CRX: variants seen among roughly 807,000 people sequenced by gnomAD.
CRX encodes the protein cone-rod homeobox.
Under a neutral mutation model 13.1 loss-of-function variants are expected in CRX, and 5 were observed. The observed-to-expected ratio is 0.38, with a 90% CI of 0.20 to 0.80. CRX has a LOEUF of 0.80. CRX is among the 30% of genes least tolerant of loss of function. The pLI, the probability that CRX is intolerant of heterozygous loss-of-function variation, is 0.43. For missense variants in CRX, 351 were observed against 391.8 expected (o/e 0.90, Z 0.88); for synonymous variants, 179 against 171.1 (o/e 1.05, Z -0.36).
chr19:47,828,388 G>T (rs73036982), intron 1 of CRX, among the ~76,000 whole-genome samples: 12,623 of 152,050 alleles, frequency 0.083, 588 homozygotes, highest in African/African-American at 0.13. Flanking sequence ...AAAGGACAGT[G>T]AGAGGAACGG....
intron 1 of CRX, among the ~76,000 whole-genome samples, chr19:47,823,823 T>C (rs1967941769): frequency 6.6e-6 from 1 of 151,998 alleles, no homozygotes; most frequent in Non-Finnish European, 1.5e-5. Context: ...CTTATTTTTG[T>C]ATTTTTAGTA....
chr19:47,836,157 G>A, intron 2 of CRX, 86 bp from the exon 3 acceptor site: 1 of 1,538,170 alleles, frequency 6.5e-7, no homozygotes, highest in Non-Finnish European at 9.0e-7. Context: ...CAACCAGGAT[G>A]GAATTCTTGG....
intron 3 of CRX, among the ~76,000 whole-genome samples, chr19:47,838,354 C>T (rs568646047): frequency 4.0e-5 from 6 of 151,682 alleles, no homozygotes; most frequent in South Asian, 2.1e-4. Flanking sequence ...TATGAGTGTA[C>T]GCATGTATAT....
At chr19:47,826,546 A>G (rs1470970204) in intron 1 of CRX, among the ~76,000 whole-genome samples, 1 of 152,146 alleles carries the variant, frequency 6.6e-6, no homozygotes, top group Non-Finnish European at 1.5e-5. Flanking sequence ...TCGAGGCTGC[A>G]GTGAGCTATG....
At position 47,836,377 on chromosome 19, in the gene CRX, C is replaced by G; in HGVS notation, c.235C>G (p.Pro79Ala). ...REEVALKINL[P>A]ESRVQVWFKN... is the part of the protein sequence containing the mutation. Reference sequence around the variant, plus strand: ...GGAGGTGGCTCTGAAGATCAATCTGCCTGAGTCCAGGGTTCAGGTGGGGTG... The same window carrying G: ...GGAGGTGGCTCTGAAGATCAATCTGGCTGAGTCCAGGGTTCAGGTGGGGTG... The change falls in exon 3 of 4, where the codon CCT (proline) becomes GCT (alanine). Residue 79 changes from proline (P) to alanine (A), a missense_variant. Pro to Ala is a conservative substitution (Grantham distance 27). Around this residue, in one of 3 missense-constraint regions of CRX, gnomAD observed 95 missense variants for 106.7 expected, o/e 0.89. Transcript: ENST00000221996. 6.2e-7 allele frequency: 1 copy of G among 1,614,216 alleles called. No individual in the cohort carries two copies. Among genetic ancestry groups the G allele is most frequent in the Non-Finnish European group, 8.5e-7 (1 of 1,180,042 alleles).
In CRX at chr19:47,835,019, G is replaced by A. The variant is rs77439149; in HGVS notation, c.100+476G>A. Among the ~76,000 whole-genome samples, 213 of 150,078 alleles carry A rather than the reference G, an allele frequency of 1.4e-3. 1 individual carries two copies. The highest frequency in any genetic ancestry group is 2.3e-3 in the Non-Finnish European group (155 of 67,574). On this transcript the variant is annotated intron_variant, in intron 2 of 3. Transcript: ENST00000221996. ...TTTTTTTAATTTTATTTTTGAGACAGGGTCTCACTCTGTTGCCCACTCTGA... is the reference window on the plus strand; with the variant it reads ...TTTTTTTAATTTTATTTTTGAGACAAGGTCTCACTCTGTTGCCCACTCTGA...
intron 3 of CRX, among the ~76,000 whole-genome samples, chr19:47,838,938 T>C (rs1968154562): frequency 6.6e-6 from 1 of 151,996 alleles, no homozygotes; most frequent in Non-Finnish European, 1.5e-5. Flanking sequence ...TATATATGTA[T>C]AACTGTACGT....
intron 3 of CRX, among the ~76,000 whole-genome samples, chr19:47,837,436 G>A (rs1968130702): frequency 6.6e-6 from 1 of 152,136 alleles, no homozygotes; most frequent in African/African-American, 2.4e-5. Context: ...CAGAGCGCTG[G>A]GATTACAGGC....
At chr19:47,833,029 C>CTTT (rs35088115) in intron 1 of CRX, among the ~76,000 whole-genome samples, 5 of 88,254 alleles carry the variant, frequency 5.7e-5, no homozygotes, top group African/African-American at 1.4e-4. Flanking sequence ...TCCACACTCG[C>CTTT]TTTTTTTTTT....
chr19:47,834,703 A>G (rs1968095474), intron 2 of CRX, among the ~76,000 whole-genome samples, 160 bp downstream of exon 2: 1 of 152,208 alleles, frequency 6.6e-6, no homozygotes, highest in Admixed American at 6.5e-5. Context: ...TTAGAAAAAC[A>G]TTAGCAGTCC....
chr19:47,838,498 A>G (rs969518756), intron 3 of CRX, among the ~76,000 whole-genome samples: 5 of 152,058 alleles, frequency 3.3e-5, no homozygotes, highest in Admixed American at 3.3e-4. Flanking sequence ...GGATGGATGA[A>G]TGTGTATGAT....
chr19:47,829,633 TTTA>T (rs1225936989), intron 1 of CRX, among the ~76,000 whole-genome samples: 2 of 151,290 alleles, frequency 1.3e-5, no homozygotes, highest in African/African-American at 4.9e-5. Context: ...ACCTGGCCTA[TTTA>T]TTGTTATTAT....
At chr19:47,831,462 G>T (rs990217718) in intron 1 of CRX, among the ~76,000 whole-genome samples, 1 of 152,110 alleles carries the variant, frequency 6.6e-6, no homozygotes, top group Non-Finnish European at 1.5e-5. Flanking sequence ...TCAGATCAGC[G>T]GTGGCTCTAG....
chr19:47,835,379 CT>C (rs764293041), intron 2 of CRX, among the ~76,000 whole-genome samples: 10 of 149,908 alleles, frequency 6.7e-5, no homozygotes, highest in Non-Finnish European at 1.3e-4. Flanking sequence ...ATTTCTTTTT[CT>C]TTTTTTTTCT....
Position 47,840,202 on chromosome 19 carries a change from T to G in CRX, c.*235T>G, listed in dbSNP as rs1322411658. 3.7e-6 allele frequency: 2 copies of G among 546,650 alleles called. No homozygotes were observed. The highest frequency in any genetic ancestry group is 3.3e-6 in the Non-Finnish European group (1 of 303,798). The allele number at this position is 546,650 out of a possible 1,614,324, so 33.9% of individuals were successfully genotyped here. On this transcript the variant is annotated 3_prime_UTR_variant, in exon 4 of 4. Transcript: ENST00000221996. ...AGTGATTCTCTCAACCCTAACACCG[T>G]CTGGCACGATTGTGACCGCTGAAGT...
rs1968175790 is a variant in CRX, at chr19:47,840,004, G to A, written c.*37G>A. 3 of 1,607,296 alleles carry A rather than the reference G, an allele frequency of 1.9e-6. No individual in the cohort carries two copies. The highest frequency in any genetic ancestry group is 2.5e-6 in the Non-Finnish European group (3 of 1,179,184). ...TCCATCTCTCTCCATCGGGCCTCGGGACCCTTTCTCTTCTGAATCTGCTTC... is the reference window on the plus strand; with the variant it reads ...TCCATCTCTCTCCATCGGGCCTCGGAACCCTTTCTCTTCTGAATCTGCTTC... On this transcript the variant is annotated 3_prime_UTR_variant, in exon 4 of 4. Transcript: ENST00000221996.
chr19:47,841,510 GA>G lies in CRX; in HGVS notation c.*1544del, dbSNP rs546952275. 6.6e-6 allele frequency: 1 copy of G among 151,854 alleles called. No individual in the cohort carries two copies. The highest frequency in any genetic ancestry group is 1.5e-5 in the Non-Finnish European group (1 of 67,980). The allele number at this position is 151,854 out of a possible 1,614,324, so 9.4% of individuals were successfully genotyped here. ...TCTGTAAATAAACAAGAGATAGGAA[GA>G]GGGGGAAATAGATTTGGAGGAGGCA... On this transcript the variant is annotated 3_prime_UTR_variant, in exon 4 of 4. Transcript: ENST00000221996.
rs766870005 is a variant in CRX, at chr19:47,839,997, GC to G, written c.*32del. ...CGCAGTCTCCATCTCTCTCCATCGG[GC>G]CTCGGGACCCTTTCTCTTCTGAATC... On this transcript the variant is annotated 3_prime_UTR_variant, in exon 4 of 4. Transcript: ENST00000221996. This position sits in a 1 kb window ranked among gnomAD's most constrained non-coding sequence, Gnocchi z 4.6. The G allele has an allele frequency of 3.6e-5, 58 of 1,609,030 alleles. No individual in the cohort carries two copies. Among genetic ancestry groups the G allele is most frequent in the Non-Finnish European group, 4.9e-5 (58 of 1,179,488 alleles).
At chr19:47,828,721 T>G (rs942343024) in intron 1 of CRX, among the ~76,000 whole-genome samples, 1 of 150,966 alleles carries the variant, frequency 6.6e-6, no homozygotes, top group African/African-American at 2.4e-5. Flanking sequence ...TGAGAGGGGC[T>G]TTGGGGTGGG....
Sources: allele counts gnomAD v4.1 joint callset (sites outside exome capture counted in the v4.1 genomes callset), GRCh38; gene constraint gnomAD v4.1.1; regional missense constraint gnomAD v4.1.1; non-coding constraint Gnocchi (gnomAD v3.1); transcripts MANE v1.5; gene names NCBI Gene and HGNC (gene_info 2026-07-23, HGNC 2026-07-21).